ALLC: variants seen among roughly 807,000 people sequenced by gnomAD.
ALLC encodes probable inactive allantoicase.
ALLC carries 40 observed loss-of-function variants against 45.0 expected under a neutral mutation model. That is an observed-to-expected ratio of 0.89 (90% CI 0.69 to 1.16). The LOEUF is 1.16. Ranked by LOEUF, ALLC falls within the 50% of genes most tolerant of loss-of-function variation. ALLC has a pLI of 0.00. For missense variants in ALLC, 488 were observed against 493.1 expected (o/e 0.99, Z 0.10); for synonymous variants, 176 against 178.1 (o/e 0.99, Z 0.09).
intron 3 of ALLC, among the ~76,000 whole-genome samples, chr2:3,677,510 C>A (rs1667055260): frequency 6.6e-6 from 1 of 152,250 alleles, no homozygotes; most frequent in Non-Finnish European, 1.5e-5. Context: ...GTGCCAGGCA[C>A]ATTTAAGGTT....
the ALLC span, among the ~76,000 whole-genome samples, chr2:3,651,300 GTGGGT>G: frequency 2.7e-4 from 22 of 80,294 alleles, no homozygotes; most frequent in Middle Eastern, 6.0e-3. Context: ...TTCTTTTTGG[GTGGGT>G]GGGTGGGTGG....
intron 3 of ALLC, among the ~76,000 whole-genome samples, chr2:3,677,951 A>G (rs1667068983): frequency 6.6e-6 from 1 of 152,182 alleles, no homozygotes; most frequent in Non-Finnish European, 1.5e-5. Context: ...TGGAAGATGA[A>G]GAAGTGTGCT....
chr2:3,676,536 C>T (rs981129043), intron 3 of ALLC, among the ~76,000 whole-genome samples: 1 of 152,146 alleles, frequency 6.6e-6, no homozygotes, highest in Non-Finnish European at 1.5e-5. Context: ...CGTGAGCCAC[C>T]GTGCCCGGCC....
intron 10 of ALLC, among the ~76,000 whole-genome samples, chr2:3,698,362 A>T (rs1558549742): frequency 6.6e-6 from 1 of 152,154 alleles, no homozygotes; most frequent in Non-Finnish European, 1.5e-5. Context: ...GCTCTTTACC[A>T]TAGAGGCTCT....
chr2:3,648,592 G>A, the ALLC span, among the ~76,000 whole-genome samples: 15 of 152,144 alleles, frequency 9.9e-5, no homozygotes, highest in African/African-American at 3.1e-4. Context: ...TTCCATGTGC[G>A]GACTCCTGGC....
At chr2:3,693,504 A>G (rs1363901793) in intron 7 of ALLC, among the ~76,000 whole-genome samples, 2 of 152,368 alleles carry the variant, frequency 1.3e-5, no homozygotes, top group East Asian at 1.9e-4. Flanking sequence ...ACTTTGAGCT[A>G]CAGACTGAGC....
At chr2:3,678,379 C>A in intron 3 of ALLC, 89 bp from the exon 4 acceptor site, 1 of 1,149,784 alleles carries the variant, frequency 8.7e-7, no homozygotes, top group Non-Finnish European at 1.3e-6. Flanking sequence ...TGCACCGTTC[C>A]TCTGGCACTG....
At chr2:3,686,977 A>G (rs1667347215) in intron 7 of ALLC, among the ~76,000 whole-genome samples, 1 of 151,012 alleles carries the variant, frequency 6.6e-6, no homozygotes, top group Non-Finnish European at 1.5e-5. Context: ...TTATGTTAAT[A>G]AAAGCGGTGA....
intron 7 of ALLC, among the ~76,000 whole-genome samples, chr2:3,690,186 A>T (rs1174228162): frequency 7.0e-6 from 1 of 142,692 alleles, no homozygotes; most frequent in African/African-American, 2.6e-5. Context: ...GTCCATTTAC[A>T]TTCAGTATTG....
chr2:3,673,993 CATA>C (rs1666956963), intron 2 of ALLC, 79 bp from the exon 3 acceptor site: 2 of 1,075,002 alleles, frequency 1.9e-6, no homozygotes, highest in East Asian at 5.2e-5. Context: ...TACTTCATCT[CATA>C]ATGTTTCACT....
intron 3 of ALLC, among the ~76,000 whole-genome samples, chr2:3,676,937 G>GTT (rs1572515455): frequency 6.6e-6 from 1 of 151,992 alleles, no homozygotes; most frequent in East Asian, 1.9e-4. Flanking sequence ...ACAGGCACCC[G>GTT]CCACCACGCC....
At chr2:3,669,038 G>T (rs1413095604) in intron 1 of ALLC, among the ~76,000 whole-genome samples, 8 of 151,784 alleles carry the variant, frequency 5.3e-5, no homozygotes, top group Admixed American at 5.3e-4. Flanking sequence ...TTCTCAGACA[G>T]TTTAGAAGAT....
the ALLC span, among the ~76,000 whole-genome samples, chr2:3,647,983 G>A: frequency 6.6e-6 from 1 of 152,308 alleles, no homozygotes; most frequent in Middle Eastern, 3.4e-3. Context: ...GGGCCTGTGA[G>A]TTACAGGCAG....
chr2:3,680,273 G>A lies in ALLC; in HGVS notation c.298+279G>A, dbSNP rs116195815. 0.031 allele frequency among the ~76,000 whole-genome samples: 4,708 copies of A among 152,196 alleles called. 254 individuals carry two copies. The highest frequency in any genetic ancestry group is 0.11 in the African/African-American group (4,443 of 41,466). On this transcript the variant is annotated intron_variant, in intron 5 of 11. Coordinates refer to ENST00000252505, the MANE Select transcript of ALLC (RefSeq NM_018436.4). This position sits in a 1 kb window ranked among gnomAD's most constrained non-coding sequence, Gnocchi z 4.0. ...AGAGGCAGGCCATCATCCCTGGAAC[G>A]TGGGTGAGCAGGTTGCTGGTGGGCG...
chr2:3,658,981 G>T (rs2147989484), intron 1 of ALLC, among the ~76,000 whole-genome samples: 1 of 151,970 alleles, frequency 6.6e-6, no homozygotes, highest in Non-Finnish European at 1.5e-5. Flanking sequence ...TATACCAAGA[G>T]TTGCCGGTAG....
At chr2:3,649,820 G>C in the ALLC span, among the ~76,000 whole-genome samples, 2 of 152,242 alleles carry the variant, frequency 1.3e-5, no homozygotes, top group Non-Finnish European at 2.9e-5. Context: ...AGAGTGCCCA[G>C]AGACAACCCA....
Position 3,678,460 on chromosome 2 carries a change from TGCCCTAGAGTGACA to T in ALLC, c.85-3_95del. ...TTAATGATCACCTTGTTGTGGTCTT[TGCCCTAGAGTGACA>T]GCCCGTGCTTCAAAGAGCATGAATA... is the stretch of plus-strand genomic sequence containing the variant. On this transcript the variant is annotated splice_acceptor_variant and splice_polypyrimidine_tract_variant and coding_sequence_variant and intron_variant, in exon 4 of 12. Transcript: ENST00000252505. LOFTEE classifies it high-confidence loss of function. 1.2e-6 allele frequency: 2 copies of T among 1,612,294 alleles called. No individual in the cohort carries two copies. Among genetic ancestry groups the T allele is most frequent in the Middle Eastern group, 3.3e-4 (2 of 6,058 alleles).
rs201366958 is a variant in ALLC at position 3,697,399 on chromosome 2, C to T, written c.793C>T (p.Arg265Ter). Residue 265 changes from arginine (R) to a stop codon, truncating the protein, a stop_gained, in exon 10 of 12, where the codon CGA (arginine) becomes TGA (stop). Transcript: ENST00000252505. LOFTEE classifies it high-confidence loss of function. ...LVPGCEWAVFRLAHPGVITRI... is the reference protein window; with the variant it reads ...LVPGCEWAVF ...TCCGGGTTGTGAATGGGCAGTTTTC[C>T]GATTGGCACATCCTGGAGTAATAAC... 3.3e-5 allele frequency: 54 copies of T among 1,613,770 alleles called. No homozygotes were observed. Among genetic ancestry groups the T allele is most frequent in the African/African-American group, 2.4e-4 (18 of 74,978 alleles).
At chr2:3,657,926 C>CT (rs1666478217), upstream of ALLC, among the ~76,000 whole-genome samples, 1 of 152,338 alleles carries the variant, frequency 6.6e-6, no homozygotes, top group East Asian at 1.9e-4. Context: ...AGAGATAAAA[C>CT]TTTAAGTCAG....
Sources: gnomAD v4.1 joint callset for allele counts (sites outside exome capture counted in the v4.1 genomes callset) on GRCh38, gnomAD v4.1.1 for gene constraint, Gnocchi (gnomAD v3.1) non-coding constraint, MANE v1.5 for transcripts, NCBI Gene and HGNC (gene_info 2026-07-23, HGNC 2026-07-21) for gene names.